The following PCDHGB1 variants were observed in gnomAD, a reference collection of about 807,000 sequenced individuals.
PCDHGB1 encodes protocadherin gamma-B1.
A neutral mutation model predicts 56.6 loss-of-function variants in PCDHGB1; 34 were observed. The ratio of observed to expected loss-of-function variants is 0.60; its 90% confidence interval spans 0.46 to 0.80. PCDHGB1 has a LOEUF of 0.80. PCDHGB1 is among the 30% of genes least tolerant of loss of function. The pLI is 0.00. For missense variants in PCDHGB1, 1,278 were observed against 1,204.6 expected (o/e 1.06, Z -0.90); for synonymous variants, 561 against 505.9 (o/e 1.11, Z -1.46).
rs1300601208 is a variant in PCDHGB1 at position 141,499,206 on chromosome 5, AC to A, written c.2468+4344del. On this transcript the variant is annotated intron_variant, in intron 2 of 3. Transcript: ENST00000523390. ...ACCATTTCCCCCTTCTTAGGCTGTA[AC>A]CCAGGCCCTGCCCTGCAGCTGTCCC... Among the ~76,000 whole-genome samples the A allele has an allele frequency of 3.3e-5, 5 of 152,062 alleles. No homozygotes were observed. In the East Asian group the frequency reaches 7.7e-4, roughly 24 times the overall value.
chr5:141,362,588 GT>G (rs1561527574), intron 1 of PCDHGB1: 1 of 1,592,210 alleles, frequency 6.3e-7, no homozygotes, highest in African/African-American at 1.4e-5. Flanking sequence ...TTCACTTCTG[GT>G]TTTATTGTTT....
At chr5:141,426,013 T>C (rs2096909409) in intron 1 of PCDHGB1, among the ~76,000 whole-genome samples, 1 of 152,144 alleles carries the variant, frequency 6.6e-6, no homozygotes, top group Admixed American at 6.5e-5. Flanking sequence ...CCGGCTGCAG[T>C]TTTCTAAATA....
At chr5:141,483,258 T>G (rs2099579023) in intron 1 of PCDHGB1, among the ~76,000 whole-genome samples, 1 of 137,930 alleles carries the variant, frequency 7.3e-6, no homozygotes, top group South Asian at 2.1e-4. Flanking sequence ...TCATGAGGTT[T>G]TTTTGTTTTA....
rs1410419839 is a variant in PCDHGB1 at position 141,429,391 on chromosome 5, A to ATTTT, written c.2410-65416_2410-65415insTTTT. Among the ~76,000 whole-genome samples, 380 of 151,312 alleles carry ATTTT rather than the reference A, an allele frequency of 2.5e-3. 1 individual carries two copies. The highest frequency in any genetic ancestry group is 4.2e-3 in the South Asian group (20 of 4,768). On this transcript the variant is annotated intron_variant, in intron 1 of 3. Coordinates refer to ENST00000523390, the MANE Select transcript of PCDHGB1 (RefSeq NM_018922.3). The stretch of plus-strand genomic sequence containing the variant: ...GGAGAAAATGTGTTTTTTTTTTAAA[A>ATTTT]AAAATTGAGATTAAGGTCTCATTAT...
chr5:141,505,405 C>T lies in PCDHGB1; in HGVS notation c.2481C>T (p.Gly827=), dbSNP rs745516568. 2.5e-6 allele frequency: 4 copies of T among 1,614,130 alleles called. No individual in the cohort carries two copies. The highest frequency in any genetic ancestry group is 3.3e-4 in the Middle Eastern group (2 of 6,062). ...QRPGTSGSQN[G]DDTGTWPNNQ... ...ACTCTCTCCCCAGCTCCCAAAATGG[C>T]GATGACACCGGCACCTGGCCCAACA... Residue 827 remains glycine (G), a synonymous_variant, in exon 3 of 4, where the codon GGC becomes GGT. Transcript: ENST00000523390.
chr5:141,353,047 T>C (rs62378415), intron 1 of PCDHGB1, among the ~76,000 whole-genome samples: 4,502 of 152,268 alleles, frequency 0.03, 79 homozygotes, highest in Middle Eastern at 0.088. Context: ...ATAAGTAATT[T>C]TGATTTTCTT....
intron 1 of PCDHGB1, chr5:141,365,286 T>C (rs1261897529): frequency 6.2e-7 from 1 of 1,613,946 alleles, no homozygotes. Flanking sequence ...CTCATGGAAG[T>C]GGTAGCTCAG....
In PCDHGB1 at chr5:141,486,705, A is replaced by T. The variant is rs2099633722; in HGVS notation, c.2410-8102A>T. On this transcript the variant is annotated intron_variant, in intron 1 of 3. Transcript: ENST00000523390. This position sits in a 1 kb window ranked among gnomAD's most constrained non-coding sequence, Gnocchi z 5.0. ...TCAGCTTCCTCTTTCATCTCTCTGA[A>T]CCCCCAGACAGGAGCTGTTCATGCT... The T allele has an allele frequency of 6.2e-7, 1 of 1,613,844 alleles. No individual in the cohort carries two copies. The highest frequency in any genetic ancestry group is 1.3e-5 in the African/African-American group (1 of 74,910).
At chr5:141,362,774 C>T (rs1265004246) in intron 1 of PCDHGB1, 13 of 610,680 alleles carry the variant, frequency 2.1e-5, no homozygotes, top group Non-Finnish European at 3.3e-5. Context: ...AGATATTGCA[C>T]TGTATTTCTT....
intron 1 of PCDHGB1, chr5:141,420,166 A>G: frequency 1.2e-6 from 2 of 1,614,036 alleles, no homozygotes; most frequent in Non-Finnish European, 1.7e-6. Flanking sequence ...ATTTTTTCAC[A>G]TCTGTTGATC....
chr5:141,418,439 T>C (rs1284999606), intron 1 of PCDHGB1: 1 of 1,613,812 alleles, frequency 6.2e-7, no homozygotes, highest in Non-Finnish European at 8.5e-7. Flanking sequence ...ATATCCAGAA[T>C]TAGTATTGCA....
chr5:141,359,944 G>A (rs533641338), intron 1 of PCDHGB1: 7 of 508,210 alleles, frequency 1.4e-5, no homozygotes, highest in African/African-American at 1.2e-4. Flanking sequence ...CGTCGCTGTT[G>A]GTCAAAAGAA....
intron 1 of PCDHGB1, chr5:141,417,759 C>T: frequency 7.0e-7 from 1 of 1,437,100 alleles, no homozygotes; most frequent in South Asian, 1.5e-5. Flanking sequence ...AGCTCCGAGA[C>T]CCGGGACTCC....
intron 2 of PCDHGB1, among the ~76,000 whole-genome samples, chr5:141,503,611 A>AG (rs992110793): frequency 6.6e-6 from 1 of 151,948 alleles, no homozygotes; most frequent in Non-Finnish European, 1.5e-5. Flanking sequence ...AAAAAAAAAA[A>AG]AAAGAAAAAA....
At chr5:141,362,157 C>T (rs1762354661) in intron 1 of PCDHGB1, 4 of 1,614,036 alleles carry the variant, frequency 2.5e-6, no homozygotes, top group Non-Finnish European at 3.4e-6. Context: ...TATTGCCAGA[C>T]CTCAGCGACC....
At chr5:141,364,986 A>C (rs1223018710) in intron 1 of PCDHGB1, 1 of 1,613,768 alleles carries the variant, frequency 6.2e-7, no homozygotes. Context: ...GATGGCGGAG[A>C]CCCGGTACTC....
chr5:141,425,742 A>T (rs1315830227), intron 1 of PCDHGB1, among the ~76,000 whole-genome samples: 1 of 152,246 alleles, frequency 6.6e-6, no homozygotes, highest in Non-Finnish European at 1.5e-5. Flanking sequence ...GTTTTCCCAC[A>T]AGGTTTTTGT....
intron 1 of PCDHGB1, chr5:141,433,201 CTTCT>C (rs759014851): frequency 3.9e-5 from 61 of 1,573,466 alleles, no homozygotes; most frequent in Admixed American, 1.2e-4. Flanking sequence ...TATATCAAAT[CTTCT>C]TTCTTTTTTT....
intron 1 of PCDHGB1, chr5:141,412,841 G>C (rs1285924844): frequency 4.9e-6 from 1 of 205,932 alleles, no homozygotes; most frequent in East Asian, 1.1e-4. Flanking sequence ...AAAGATAGGA[G>C]TGGAGAAACC....
Sources: gnomAD v4.1 joint callset for allele counts (sites outside exome capture counted in the v4.1 genomes callset) on GRCh38, gnomAD v4.1.1 for gene constraint, Gnocchi (gnomAD v3.1) non-coding constraint, MANE v1.5 for transcripts, NCBI Gene and HGNC (gene_info 2026-07-23, HGNC 2026-07-21) for gene names.